The following ZDHHC17 variants were observed in gnomAD, a reference collection of about 807,000 sequenced individuals.
ZDHHC17 encodes palmitoyltransferase ZDHHC17.
A neutral mutation model predicts 90.3 loss-of-function variants in ZDHHC17; 40 were observed. The ratio of observed to expected loss-of-function variants is 0.44; its 90% CI spans 0.34 to 0.58. The LOEUF (loss-of-function observed/expected upper bound fraction) is 0.58. ZDHHC17 is among the 20% of genes least tolerant of loss of function. The pLI is 0.01. For synonymous variants in ZDHHC17, 235 were observed against 252.4 expected, an observed-to-expected ratio of 0.93 and a Z score of 0.65; for missense variants, 614 against 780.8, an observed-to-expected ratio of 0.79 and a Z score of 2.55.
chr12:76,813,364 G>A (rs1158280264), intron 5 of ZDHHC17: 2 of 452,588 alleles, frequency 4.4e-6, no homozygotes, highest in Admixed American at 4.7e-5. Flanking sequence ...TGAGGTTGCA[G>A]AAGATATTCC....
Position 76,823,731 on chromosome 12 carries a change from A to G in ZDHHC17, c.897+1200A>G, listed in dbSNP as rs1953193928. On this transcript the variant is annotated intron_variant, in intron 8 of 16. Coordinates refer to ENST00000426126, the MANE Select transcript of ZDHHC17 (RefSeq NM_015336.4). ...CTTGAAAGCAGTGCCTCCTTTATTT[A>G]TAGGAGTTTGGACTTCTTTAATCAG... 2.0e-5 allele frequency among the ~76,000 whole-genome samples: 3 copies of G among 152,192 alleles called. No homozygotes were observed. The South Asian group carries it at 6.2e-4, about 31-fold the overall frequency.
At chr12:76,787,701 G>A (rs11115385) in intron 1 of ZDHHC17, among the ~76,000 whole-genome samples, 1,681 of 151,916 alleles carry the variant, frequency 0.011, 12 homozygotes, top group Non-Finnish European at 0.017. Context: ...GTATTCAAAG[G>A]TATCTAAAAT....
intron 1 of ZDHHC17, chr12:76,764,756 C>T (rs1318123081): frequency 4.3e-6 from 2 of 461,716 alleles, no homozygotes; most frequent in East Asian, 1.4e-4. Flanking sequence ...GTATCTATTG[C>T]TTCCTTTTAG....
intron 5 of ZDHHC17, 58 bp from the exon 6 acceptor site, chr12:76,815,088 A>C: frequency 7.6e-7 from 1 of 1,307,700 alleles, no homozygotes; most frequent in Non-Finnish European, 1.1e-6. Flanking sequence ...TTTCCAAGCA[A>C]ATTTGGTTAG....
At chr12:76,764,535 TG>T in intron 1 of ZDHHC17, 1 of 586,376 alleles carries the variant, frequency 1.7e-6, no homozygotes, top group Non-Finnish European at 3.0e-6. Flanking sequence ...GGGCGGGCTC[TG>T]GGACGCAGTC....
rs1312938441 is a variant in ZDHHC17 at position 76,852,631 on chromosome 12, G to A, written c.*1646G>A. 6.6e-6 allele frequency: 1 copy of A among 152,490 alleles called. No individual in the cohort carries two copies. The highest frequency in any genetic ancestry group is 1.5e-5 in the Non-Finnish European group (1 of 68,038). 9.4% of individuals were successfully genotyped at this position (152,490 alleles called of 1,614,324 possible). ...ATACCCGCCCCTTGCCTTAGTAAGA[G>A]GAGCAGTGAAATGTATATAGTTGAT... On this transcript the variant is annotated 3_prime_UTR_variant, in exon 17 of 17. Transcript: ENST00000426126.
At chr12:76,797,915 G>T (rs1239665760) in intron 2 of ZDHHC17, among the ~76,000 whole-genome samples, 1 of 149,984 alleles carries the variant, frequency 6.7e-6, no homozygotes, top group Non-Finnish European at 1.5e-5. Context: ...CTGTGCTCCA[G>T]CCTAGGCAAC....
At position 76,815,964 on chromosome 12, in the gene ZDHHC17, C is replaced by T; in HGVS notation, c.716C>T (p.Thr239Ile). 1 of 1,576,198 alleles carries T rather than the reference C, an allele frequency of 6.3e-7. No homozygotes were observed. Among genetic ancestry groups the T allele is most frequent in the Non-Finnish European group, 8.6e-7 (1 of 1,160,496 alleles). ...LHWAVLAGNT[T>I]VISLLLEAGA... ...TGGGCAGTGCTAGCAGGGAATACCA[C>T]AGTCATTAGCCTTCTTCTGGAAGCT... is the stretch of plus-strand genomic sequence containing the variant. Residue 239 changes from threonine (T) to isoleucine (I), a missense_variant, in exon 7 of 17, where the codon ACA becomes ATA. Coordinates refer to ENST00000426126, the MANE Select transcript of ZDHHC17 (RefSeq NM_015336.4).
At chr12:76,835,944 A>C (rs1044683772) in intron 10 of ZDHHC17, among the ~76,000 whole-genome samples, 6 of 151,650 alleles carry the variant, frequency 4.0e-5, no homozygotes, top group Admixed American at 3.3e-4. Context: ...CTTTTTGTGA[A>C]TTGTGTATGT....
At chr12:76,809,004 A>C in intron 3 of ZDHHC17, 39 bp from the exon 4 acceptor site, 2 of 1,311,102 alleles carry the variant, frequency 1.5e-6, no homozygotes, top group Non-Finnish European at 1.0e-6. Context: ...AAAATTGAAA[A>C]TGAAAGTTAT....
At chr12:76,764,434 C>A in intron 1 of ZDHHC17, 105 bp downstream of exon 1, 2 of 1,117,630 alleles carry the variant, frequency 1.8e-6, no homozygotes, top group Admixed American at 2.5e-5. Flanking sequence ...GTGGGACGTG[C>A]CGAAGTTGGG....
chr12:76,779,903 A>G (rs768786467), intron 1 of ZDHHC17, among the ~76,000 whole-genome samples: 3 of 151,812 alleles, frequency 2.0e-5, no homozygotes, highest in African/African-American at 2.4e-5. Flanking sequence ...TAGATATCCA[A>G]CTGCTGTGGT....
intron 2 of ZDHHC17, among the ~76,000 whole-genome samples, chr12:76,801,342 A>G (rs1036095833): frequency 1.3e-5 from 2 of 150,906 alleles, no homozygotes; most frequent in Admixed American, 1.3e-4. Flanking sequence ...TGCGGATACT[A>G]TGGATATTAC....
intron 1 of ZDHHC17, among the ~76,000 whole-genome samples, chr12:76,794,383 G>A (rs1952795205): frequency 1.3e-5 from 2 of 152,146 alleles, no homozygotes; most frequent in African/African-American, 4.8e-5. Context: ...TCTTGATAGA[G>A]TGTTGTCATT....
At chr12:76,785,195 G>A (rs1297369997) in intron 1 of ZDHHC17, among the ~76,000 whole-genome samples, 1 of 151,964 alleles carries the variant, frequency 6.6e-6, no homozygotes, top group East Asian at 1.9e-4. Context: ...ATTTTTTTCA[G>A]GTAATAATAT....
intron 1 of ZDHHC17, among the ~76,000 whole-genome samples, chr12:76,796,904 T>TA (rs1756205971): frequency 6.6e-6 from 1 of 152,246 alleles, no homozygotes; most frequent in Non-Finnish European, 1.5e-5. Context: ...TTTCTAATCT[T>TA]ACAGATTGTT....
intron 1 of ZDHHC17, among the ~76,000 whole-genome samples, chr12:76,772,367 T>C (rs1169986754): frequency 6.6e-6 from 1 of 152,110 alleles, no homozygotes; most frequent in African/African-American, 2.4e-5. Context: ...TCCCATATGC[T>C]CCCTGCCTGT....
In ZDHHC17 at chr12:76,797,789, A is replaced by G. The variant is rs190788251; in HGVS notation, c.197+252A>G. Among the ~76,000 whole-genome samples the G allele has an allele frequency of 1.1e-4, 17 of 152,210 alleles. No homozygotes were observed. The East Asian group carries it at 3.3e-3, about 29-fold the overall frequency. On this transcript the variant is annotated intron_variant, in intron 2 of 16. Coordinates refer to ENST00000426126, the MANE Select transcript of ZDHHC17 (RefSeq NM_015336.4). ...GAAACCCCGTCTCTACTAAAAATACAAAAAATTAGCCAGGCATGGTGGTGG... is the reference window on the plus strand; with the variant it reads ...GAAACCCCGTCTCTACTAAAAATACGAAAAATTAGCCAGGCATGGTGGTGG...
At chr12:76,832,259 A>T (rs1327336081) in intron 10 of ZDHHC17, among the ~76,000 whole-genome samples, 1 of 152,230 alleles carries the variant, frequency 6.6e-6, no homozygotes, top group Admixed American at 6.5e-5. Flanking sequence ...CAGGTACCTT[A>T]AGATAAAATA....
Sources: allele counts gnomAD v4.1 joint callset (sites outside exome capture counted in the v4.1 genomes callset), GRCh38; gene constraint gnomAD v4.1.1; transcripts MANE v1.5; gene names NCBI Gene and HGNC (gene_info 2026-07-23, HGNC 2026-07-21).